DNASE2B: variants seen among roughly 807,000 people sequenced by gnomAD.
DNASE2B encodes deoxyribonuclease-2-beta.
DNASE2B carries 43 observed loss-of-function variants against 46.0 expected under a neutral mutation model. The ratio of observed to expected loss-of-function variants is 0.94; its 90% CI spans 0.73 to 1.21. The LOEUF is 1.21. Ranked by LOEUF, DNASE2B falls within the 50% of genes most tolerant of loss-of-function variation. The probability of loss-of-function intolerance (pLI) is 0.00; values close to 1 mark genes in which losing one functional copy is unlikely to be tolerated. For synonymous variants in DNASE2B, 156 were observed against 152.5 expected (o/e 1.02, Z -0.17); for missense variants, 395 against 414.4 (o/e 0.95, Z 0.41).
At chr1:84,414,444 A>G in intron 5 of DNASE2B, 84 bp from the exon 6 acceptor site, 1 of 1,206,350 alleles carries the variant, frequency 8.3e-7, no homozygotes, top group Non-Finnish European at 1.1e-6. Context: ...GGGGTGAAAG[A>G]TGATTTCCAT....
chr1:84,410,006 A>G lies in DNASE2B; in HGVS notation c.386-832A>G, dbSNP rs1255429754. Among the ~76,000 whole-genome samples, 3 of 152,146 alleles carry G rather than the reference A, an allele frequency of 2.0e-5. No individual in the cohort carries two copies. In the East Asian group the frequency reaches 5.8e-4, roughly 29 times the overall value. ...TGCTTTCTTAAAATAGGCACTTTGA[A>G]AAAAAAATAACTAGAAGGCATTTGG... is the stretch of plus-strand genomic sequence containing the variant. On this transcript the variant is annotated intron_variant, in intron 3 of 5. Transcript: ENST00000370665.
chr1:84,411,014 T>C lies in DNASE2B; in HGVS notation c.547+15T>C, dbSNP rs763150255. The C allele has an allele frequency of 2.6e-6, 4 of 1,551,414 alleles. No homozygotes were observed. Among genetic ancestry groups the C allele is most frequent in the South Asian group, 1.2e-5 (1 of 85,484 alleles). On this transcript the variant is annotated intron_variant, in intron 4 of 5. Transcript: ENST00000370665. The stretch of plus-strand genomic sequence containing the variant: ...TGAGGCAATAGGTAAAACTAAAGTA[T>C]GTGAGAAAAAAAACGATAACTATGT...
chr1:84,414,689 C>G lies in DNASE2B; in HGVS notation c.907C>G (p.Gln303Glu). 1.2e-6 allele frequency: 2 copies of G among 1,614,154 alleles called. No homozygotes were observed. The highest frequency in any genetic ancestry group is 1.7e-6 in the Non-Finnish European group (2 of 1,180,020). ...LSRHSYFSSY[Q>E]DHAKWCISQK... ...ACGACACTCTTATTTCAGTTCTTAT[C>G]AAGATCATGCCAAGTGGTGTATTTC... Residue 303 changes from glutamine (Q) to glutamate (E), a missense_variant, in exon 6 of 6, where the codon CAA becomes GAA. Coordinates refer to ENST00000370665, the MANE Select transcript of DNASE2B (RefSeq NM_021233.3).
chr1:84,404,307 T>A (rs148257946), intron 2 of DNASE2B, among the ~76,000 whole-genome samples: 1 of 152,204 alleles, frequency 6.6e-6, no homozygotes, highest in Non-Finnish European at 1.5e-5. Flanking sequence ...TTTCTTGCCA[T>A]ATCCACAATC....
At chr1:84,404,000 T>C (rs1167942549) in intron 2 of DNASE2B, among the ~76,000 whole-genome samples, 1 of 132,024 alleles carries the variant, frequency 7.6e-6, no homozygotes, top group Non-Finnish European at 1.6e-5. Flanking sequence ...AAAGATAGGG[T>C]TTCATGATGT....
chr1:84,410,347 T>G (rs1680566729), intron 3 of DNASE2B, among the ~76,000 whole-genome samples: 1 of 152,210 alleles, frequency 6.6e-6, no homozygotes, highest in Non-Finnish European at 1.5e-5. Context: ...ATAGTGACTC[T>G]TCTGCCAATA....
At chr1:84,412,628 G>GT (rs745985217) in intron 5 of DNASE2B, 82 bp downstream of exon 5, 58 of 1,259,422 alleles carry the variant, frequency 4.6e-5, no homozygotes, top group Non-Finnish European at 5.3e-5. Context: ...AATATTTTGA[G>GT]TATTCAGAGA....
At chr1:84,408,893 T>A (rs1340387805) in intron 3 of DNASE2B, among the ~76,000 whole-genome samples, 1 of 151,764 alleles carries the variant, frequency 6.6e-6, no homozygotes, top group Non-Finnish European at 1.5e-5. Context: ...ACAAACACAT[T>A]TTAGTCAGAT....
chr1:84,414,452 C>T, intron 5 of DNASE2B, 76 bp from the exon 6 acceptor site: 2 of 1,280,324 alleles, frequency 1.6e-6, no homozygotes, highest in Non-Finnish European at 2.1e-6. Flanking sequence ...AGATGATTTC[C>T]ATTCCAGAGT....
Position 84,414,367 on chromosome 1 carries a change from C to A in DNASE2B, c.746-161C>A, listed in dbSNP as rs577604613. On this transcript the variant is annotated intron_variant, in intron 5 of 5. Transcript: ENST00000370665. ...CATTTGCACATCACTTTAGCATTTA[C>A]AAAATGTTTTCTCATCCACTATCTC... Among the ~76,000 whole-genome samples the A allele has an allele frequency of 3.3e-5, 5 of 152,294 alleles. No homozygotes were observed. In the South Asian group the frequency reaches 1.0e-3, roughly 32 times the overall value.
At position 84,414,733 on chromosome 1, in the gene DNASE2B, T is replaced by C; in HGVS notation, c.951T>C (p.Asn317=). The part of the protein sequence containing the change: ...KWCISQKGTK[N]RWTCIGDLNR... The stretch of plus-strand genomic sequence containing the variant: ...GTATTTCCCAAAAGGGCACCAAAAA[T>C]CGCTGGACATGTATTGGAGACCTAA... The change falls in exon 6 of 6, where the codon AAT becomes AAC. Residue 317 remains asparagine (N), a synonymous_variant. Coordinates refer to ENST00000370665, the MANE Select transcript of DNASE2B (RefSeq NM_021233.3). The C allele has an allele frequency of 1.2e-6, 2 of 1,614,168 alleles. No homozygotes were observed. Among genetic ancestry groups the C allele is most frequent in the Non-Finnish European group, 1.7e-6 (2 of 1,180,002 alleles).
intron 5 of DNASE2B, among the ~76,000 whole-genome samples, chr1:84,414,158 AG>A (rs1224723331): frequency 6.6e-6 from 1 of 152,238 alleles, no homozygotes; most frequent in African/African-American, 2.4e-5. Context: ...CACTGATTTC[AG>A]GAAAATCCAA....
rs367993613 is a variant in DNASE2B at position 84,406,715 on chromosome 1, C to A, written c.304-1722C>A. On this transcript the variant is annotated intron_variant, in intron 2 of 5. Coordinates refer to ENST00000370665, the MANE Select transcript of DNASE2B (RefSeq NM_021233.3). Reference sequence around the variant, plus strand: ...TGATATCCAGGTATGACTCAGTGTTCTTTGGAAGCTGGAATTATGTGCCAG... The same window carrying A: ...TGATATCCAGGTATGACTCAGTGTTATTTGGAAGCTGGAATTATGTGCCAG... 7.2e-5 allele frequency among the ~76,000 whole-genome samples: 11 copies of A among 152,250 alleles called. No individual in the cohort carries two copies. In the East Asian group the frequency reaches 1.9e-3, roughly 27 times the overall value.
intron 2 of DNASE2B, among the ~76,000 whole-genome samples, chr1:84,406,964 G>C (rs1027983018): frequency 6.6e-6 from 1 of 152,172 alleles, no homozygotes; most frequent in Admixed American, 6.5e-5. Context: ...GCCTGCACTT[G>C]TGTGACTATA....
At chr1:84,412,665 G>A in intron 5 of DNASE2B, 119 bp downstream of exon 5, 1 of 1,076,894 alleles carries the variant, frequency 9.3e-7, no homozygotes, top group South Asian at 2.2e-5. Flanking sequence ...GGGAGCAAAA[G>A]AAAAGGAAAA....
intron 2 of DNASE2B, among the ~76,000 whole-genome samples, chr1:84,406,406 G>A (rs142262951): frequency 6.6e-6 from 1 of 152,228 alleles, no homozygotes; most frequent in East Asian, 1.9e-4. Context: ...ATCTTTGAAG[G>A]TGCAAAGGTA....
At chr1:84,398,829 G>C (rs936296088) in intron 1 of DNASE2B, 140 bp downstream of exon 1, 1 of 1,312,896 alleles carries the variant, frequency 7.6e-7, no homozygotes, top group African/African-American at 1.5e-5. Context: ...TGTGCAAATC[G>C]GCCAAACTCC....
chr1:84,406,451 G>T (rs1680492220), intron 2 of DNASE2B, among the ~76,000 whole-genome samples: 1 of 152,162 alleles, frequency 6.6e-6, no homozygotes. Context: ...CAGTTAAACT[G>T]CTCTGCTAAA....
rs1680433286 is a variant in DNASE2B, at chr1:84,402,190, T to G, written c.303+112T>G. ...CACCCAACCCCCAATCCTAGCACCT[T>G]GAAGTGAGCTAGCTCAGGACCAGCT... On this transcript the variant is annotated intron_variant, in intron 2 of 5. Transcript: ENST00000370665. The G allele has an allele frequency of 1.6e-5, 17 of 1,036,718 alleles. No homozygotes were observed. In the South Asian group the frequency reaches 2.9e-4, roughly 18 times the overall value. 64.2% of individuals were successfully genotyped at this position (1,036,718 alleles called of 1,614,324 possible). A position where few individuals can be genotyped will look rare whatever the true frequency, so the allele number is the denominator to read the frequency against.
Sources: allele counts gnomAD v4.1 joint callset (sites outside exome capture counted in the v4.1 genomes callset), GRCh38; gene constraint gnomAD v4.1.1; transcripts MANE v1.5; gene names NCBI Gene and HGNC (gene_info 2026-07-23, HGNC 2026-07-21).